The following ANKRD30A variants were observed in gnomAD, a reference collection of about 807,000 sequenced individuals.
The protein encoded by ANKRD30A is ankyrin repeat domain 30A.
In ANKRD30A, 170 loss-of-function variants were observed where a neutral mutation model predicts 166.3. That is an observed-to-expected ratio of 1.02 (90% confidence interval 0.90 to 1.16). ANKRD30A has a LOEUF of 1.16. Ranked by LOEUF, ANKRD30A falls within the 50% of genes most tolerant of loss-of-function variation. The pLI is 0.00. For missense variants in ANKRD30A, 1,630 were observed against 1,518.0 expected, an observed-to-expected ratio of 1.07 and a Z score of -1.23; for synonymous variants, 564 against 508.9, an observed-to-expected ratio of 1.11 and a Z score of -1.46.
intron 27 of ANKRD30A, among the ~76,000 whole-genome samples, chr10:37,194,356 G>A (rs976870840): frequency 6.6e-6 from 1 of 150,950 alleles, no homozygotes; most frequent in African/African-American, 2.4e-5. Flanking sequence ...TTTTTGTTTT[G>A]TTTTGTTTTT....
intron 24 of ANKRD30A, chr10:37,178,466 T>C (rs751249280): frequency 8.8e-6 from 8 of 908,094 alleles, no homozygotes; most frequent in Non-Finnish European, 1.1e-5. Flanking sequence ...TAAAAAGTTC[T>C]CAGGTGATGC....
chr10:37,217,952 T>C, intron 33 of ANKRD30A, 74 bp downstream of exon 33: 1 of 1,126,890 alleles, frequency 8.9e-7, no homozygotes, highest in East Asian at 2.9e-5. Context: ...ATCCCTTTGA[T>C]TTAGTATGTA....
At chr10:37,203,998 C>T (rs1474110844) in intron 31 of ANKRD30A, among the ~76,000 whole-genome samples, 1 of 152,046 alleles carries the variant, frequency 6.6e-6, no homozygotes, top group African/African-American at 2.4e-5. Flanking sequence ...AGGACACAAA[C>T]AAATGGAAGA....
intron 4 of ANKRD30A, among the ~76,000 whole-genome samples, chr10:37,132,933 G>A (rs963224483): frequency 2.0e-5 from 3 of 152,082 alleles, no homozygotes; most frequent in African/African-American, 7.2e-5. Flanking sequence ...CTTGGAGGCA[G>A]AGGTTGCAGT....
chr10:37,216,493 G>A lies in ANKRD30A; in HGVS notation c.3083+99G>A, dbSNP rs1842616236. 1.2e-5 allele frequency: 14 copies of A among 1,179,284 alleles called. No individual in the cohort carries two copies. In the South Asian group the frequency reaches 2.2e-4, roughly 18 times the overall value. 73.1% of individuals were successfully genotyped at this position (1,179,284 alleles called of 1,614,324 possible). A position where few individuals can be genotyped will look rare whatever the true frequency, so the allele number is the denominator to read the frequency against. On this transcript the variant is annotated intron_variant, in intron 32 of 35. Transcript: ENST00000361713. ...CTGACTTACCTTCTGAGGTTTTACTGGAGAAAAAAATGTCTGTCTTGTAGA... is the reference window on the plus strand; with the variant it reads ...CTGACTTACCTTCTGAGGTTTTACTAGAGAAAAAAATGTCTGTCTTGTAGA...
At chr10:37,225,115 A>T (rs1266036588) in intron 34 of ANKRD30A, among the ~76,000 whole-genome samples, 1 of 150,994 alleles carries the variant, frequency 6.6e-6, no homozygotes, top group Non-Finnish European at 1.5e-5. Flanking sequence ...CTTCTCCCCC[A>T]ATGAAATACT....
At position 37,153,607 on chromosome 10, in the gene ANKRD30A, T is replaced by C; in HGVS notation, c.1743T>C (p.Cys581=). 1 of 1,612,102 alleles carries C rather than the reference T, an allele frequency of 6.2e-7. No individual in the cohort carries two copies. The highest frequency in any genetic ancestry group is 8.5e-7 in the Non-Finnish European group (1 of 1,179,534). ...AGACTGTTTCACAGAAGGATGTGTG[T>C]TTACCCAAGGCTACACATCAAAAAG... ...LCETVSQKDV[C]LPKATHQKEI... Residue 581 remains cysteine, a synonymous_variant, in exon 13 of 36, where the codon TGT becomes TGC. Coordinates refer to ENST00000361713, the MANE Select transcript of ANKRD30A (RefSeq NM_052997.3).
At chr10:37,255,757 C>T in the ANKRD30A span, among the ~76,000 whole-genome samples, 1 of 152,180 alleles carries the variant, frequency 6.6e-6, no homozygotes, top group South Asian at 2.1e-4. Flanking sequence ...AGTTTTAACA[C>T]CACCAATATC....
At chr10:37,162,626 G>T in intron 15 of ANKRD30A, 23 bp from the exon 16 acceptor site, 2 of 1,611,698 alleles carry the variant, frequency 1.2e-6, no homozygotes, top group African/African-American at 1.3e-5. Flanking sequence ...TATGATTGAT[G>T]ATAAATCTCT....
chr10:37,147,210 G>A (rs892981657), intron 8 of ANKRD30A, among the ~76,000 whole-genome samples, 160 bp from the exon 9 acceptor site: 2 of 151,308 alleles, frequency 1.3e-5, no homozygotes, highest in African/African-American at 4.9e-5. Context: ...GATAGCATGT[G>A]TGAGGGTTTC....
At chr10:37,222,978 C>T (rs1214828500) in intron 34 of ANKRD30A, among the ~76,000 whole-genome samples, 2 of 151,232 alleles carry the variant, frequency 1.3e-5, no homozygotes, top group Admixed American at 6.6e-5. Flanking sequence ...ATATATTATA[C>T]TGATAATTTA....
At chr10:37,203,741 T>C (rs1352386274) in intron 31 of ANKRD30A, among the ~76,000 whole-genome samples, 1 of 152,140 alleles carries the variant, frequency 6.6e-6, no homozygotes, top group Non-Finnish European at 1.5e-5. Context: ...AAAACCCCAT[T>C]GTCTCAGCCC....
chr10:37,155,326 A>C (rs1838285379), intron 13 of ANKRD30A, among the ~76,000 whole-genome samples: 1 of 152,228 alleles, frequency 6.6e-6, no homozygotes, highest in Non-Finnish European at 1.5e-5. Context: ...AATTACAAAA[A>C]TGTTGGCATA....
At chr10:37,251,027 C>T in the ANKRD30A span, among the ~76,000 whole-genome samples, 1 of 152,068 alleles carries the variant, frequency 6.6e-6, no homozygotes, top group African/African-American at 2.4e-5. Flanking sequence ...GAAAAGGGGA[C>T]AAATAAGTGA....
intron 15 of ANKRD30A, among the ~76,000 whole-genome samples, chr10:37,160,722 A>G (rs1838784215): frequency 6.6e-6 from 1 of 152,076 alleles, no homozygotes; most frequent in Non-Finnish European, 1.5e-5. Flanking sequence ...TTCCCTAGAG[A>G]GGATCTAGAC....
chr10:37,256,970 C>A, the ANKRD30A span, among the ~76,000 whole-genome samples: 2 of 151,970 alleles, frequency 1.3e-5, no homozygotes, highest in African/African-American at 4.8e-5. Flanking sequence ...AGGAATGGTA[C>A]CAGCTCCTCT....
chr10:37,206,109 T>A (rs1053555566), intron 31 of ANKRD30A, among the ~76,000 whole-genome samples: 1 of 152,186 alleles, frequency 6.6e-6, no homozygotes, highest in Non-Finnish European at 1.5e-5. Flanking sequence ...GGAAAATTTA[T>A]TTTAAAAAGT....
chr10:37,258,975 A>AC, the ANKRD30A span, among the ~76,000 whole-genome samples: 1 of 151,054 alleles, frequency 6.6e-6, no homozygotes, highest in African/African-American at 2.4e-5. Context: ...AAAAAAAAAA[A>AC]AAAAAAAAAA....
chr10:37,158,373 T>A lies in ANKRD30A; in HGVS notation c.1799-19T>A, dbSNP rs201081664. The stretch of plus-strand genomic sequence containing the variant: ...TCAGGCTTGCATATAATCAATTATG[T>A]ATGTCCCTTTTCTTATAGAGTCTCC... On this transcript the variant is annotated intron_variant, in intron 13 of 35. Transcript: ENST00000361713. The A allele has an allele frequency of 6.2e-7, 1 of 1,604,686 alleles. No homozygotes were observed. The highest frequency in any genetic ancestry group is 8.5e-7 in the Non-Finnish European group (1 of 1,172,982).
Sources: allele counts gnomAD v4.1 joint callset (sites outside exome capture counted in the v4.1 genomes callset), GRCh38; gene constraint gnomAD v4.1.1; transcripts MANE v1.5; gene names NCBI Gene and HGNC (gene_info 2026-07-23, HGNC 2026-07-21).